The following CFAP61 variants were observed in gnomAD, a reference collection of about 807,000 sequenced individuals.
The protein encoded by CFAP61 is cilia- and flagella-associated protein 61.
CFAP61 carries 107 observed loss-of-function variants against 135.6 expected under a neutral mutation model. That is an observed-to-expected ratio of 0.79 (90% CI 0.67 to 0.93). The LOEUF (loss-of-function observed/expected upper bound fraction) is 0.93. CFAP61 is among the 40% of genes least tolerant of loss of function. The pLI, the probability that CFAP61 is intolerant of heterozygous loss-of-function variation, is 0.00. For missense variants in CFAP61, 1,507 were observed against 1,556.2 expected (o/e 0.97, Z 0.53); for synonymous variants, 575 against 578.5 (o/e 0.99, Z 0.09).
intron 17 of CFAP61, chr20:20,200,634 T>TAAAA: frequency 1.3e-6 from 1 of 769,524 alleles, no homozygotes; most frequent in Non-Finnish European, 1.6e-6. Flanking sequence ...CTTAAGTAAG[T>TAAAA]AAAAAAAAAA....
chr20:20,084,772 C>T (rs754455210), intron 6 of CFAP61, among the ~76,000 whole-genome samples: 2 of 152,174 alleles, frequency 1.3e-5, no homozygotes, highest in Non-Finnish European at 2.9e-5. Context: ...CCAGTGAGAG[C>T]TACCGGCTCA....
intron 17 of CFAP61, among the ~76,000 whole-genome samples, chr20:20,202,840 C>G (rs2056687853): frequency 6.6e-6 from 1 of 152,130 alleles, no homozygotes. Context: ...ATTTCTCTTG[C>G]TGGCCACTCG....
Position 20,121,068 on chromosome 20 carries a change from TTATC to T in CFAP61, c.860-21785_860-21782del, listed in dbSNP as rs2049579878. 2.0e-5 allele frequency among the ~76,000 whole-genome samples: 3 copies of T among 151,894 alleles called. No individual in the cohort carries two copies. In the South Asian group the frequency reaches 6.2e-4, roughly 32 times the overall value. ...CAGCATATAGTTGGGTCTTGCTTCT[TTATC>T]TATTCATTTGCTCTATGTCTTTTAT... On this transcript the variant is annotated intron_variant, in intron 8 of 26. Transcript: ENST00000245957.
rs549973862 is a variant in CFAP61, at chr20:20,217,012, T to A, written c.1933-11237T>A. Among the ~76,000 whole-genome samples, 4 of 152,336 alleles carry A rather than the reference T, an allele frequency of 2.6e-5. No individual in the cohort carries two copies. In the East Asian group the frequency reaches 7.7e-4, roughly 29 times the overall value. On this transcript the variant is annotated intron_variant, in intron 17 of 26. Transcript: ENST00000245957. ...GTTGACGTTTCTGCTTAGCTCTCTT[T>A]TCATTTCTATTTAAAAAGAAGGTGG...
chr20:20,149,072 G>A (rs1017732617), intron 9 of CFAP61, among the ~76,000 whole-genome samples: 3 of 152,148 alleles, frequency 2.0e-5, no homozygotes, highest in Admixed American at 6.5e-5. Context: ...ACTACTGACC[G>A]ATTTGGCGTA....
intron 16 of CFAP61, among the ~76,000 whole-genome samples, chr20:20,197,227 C>A (rs1445730843): frequency 6.6e-6 from 1 of 152,184 alleles, no homozygotes; most frequent in African/African-American, 2.4e-5. Flanking sequence ...ACTATACACA[C>A]CCCTACTAGG....
In CFAP61 at chr20:20,086,521, G is replaced by A. The variant is rs369854312; in HGVS notation, c.567-4323G>A. ...CTCATCATTTTTTATGGACTTTGCC[G>A]GTTTCTTAGTCAGTAGAGTCAGAAG... is the stretch of plus-strand genomic sequence containing the variant. On this transcript the variant is annotated intron_variant, in intron 6 of 26. Coordinates refer to ENST00000245957, the MANE Select transcript of CFAP61 (RefSeq NM_015585.4). 5.9e-5 allele frequency among the ~76,000 whole-genome samples: 9 copies of A among 151,786 alleles called. No homozygotes were observed. The East Asian group carries it at 9.7e-4, about 16-fold the overall frequency.
At chr20:20,083,054 C>T (rs2046539228) in intron 6 of CFAP61, among the ~76,000 whole-genome samples, 1 of 152,184 alleles carries the variant, frequency 6.6e-6, no homozygotes, top group African/African-American at 2.4e-5. Flanking sequence ...ACGTTTATAG[C>T]AGCACAATTT....
chr20:20,252,233 T>C (rs2050988214), intron 20 of CFAP61, among the ~76,000 whole-genome samples: 1 of 152,222 alleles, frequency 6.6e-6, no homozygotes, highest in African/African-American at 2.4e-5. Context: ...GGAAATCTGA[T>C]TGATTGGTTT....
chr20:20,348,787 G>T, intron 26 of CFAP61, among the ~76,000 whole-genome samples: 1 of 131,572 alleles, frequency 7.6e-6, no homozygotes, highest in African/African-American at 2.7e-5. Context: ...CATTCTTATG[G>T]TAAAAACACT....
At chr20:20,096,881 A>G (rs1214604017) in intron 7 of CFAP61, among the ~76,000 whole-genome samples, 3 of 152,232 alleles carry the variant, frequency 2.0e-5, no homozygotes, top group African/African-American at 7.2e-5. Context: ...TTTATAAAAC[A>G]GCTGTGTAAA....
chr20:20,239,835 T>C (rs1039341629), intron 18 of CFAP61, among the ~76,000 whole-genome samples: 1 of 152,104 alleles, frequency 6.6e-6, no homozygotes, highest in African/African-American at 2.4e-5. Flanking sequence ...AGTAGCTGTG[T>C]GGAAGATGGG....
chr20:20,080,934 G>A (rs536729621), intron 6 of CFAP61, among the ~76,000 whole-genome samples: 4 of 152,056 alleles, frequency 2.6e-5, no homozygotes, highest in East Asian at 1.9e-4. Flanking sequence ...CCTGGGAGGC[G>A]GAGGTTGCAG....
chr20:20,266,986 C>T (rs528213359), intron 21 of CFAP61, among the ~76,000 whole-genome samples: 6 of 152,088 alleles, frequency 3.9e-5, no homozygotes, highest in South Asian at 2.1e-4. Context: ...ATTAAAGGTA[C>T]CCTAGAGTAG....
At chr20:20,269,199 A>ATATATACATG (rs2053115730) in intron 21 of CFAP61, among the ~76,000 whole-genome samples, 1 of 85,644 alleles carries the variant, frequency 1.2e-5, no homozygotes, top group Admixed American at 1.2e-4. Flanking sequence ...ATATATACAT[A>ATATATACATG]TATGTATATA....
intron 13 of CFAP61, chr20:20,184,584 T>C (rs776160646): frequency 4.6e-5 from 7 of 152,176 alleles, no homozygotes; most frequent in Non-Finnish European, 1.0e-4. Context: ...AGACTCAATG[T>C]TGAGGTGATG....
Position 20,196,683 on chromosome 20 carries a change from G to A in CFAP61, c.1704G>A (p.Arg568=). 1.9e-6 allele frequency: 3 copies of A among 1,614,018 alleles called. No individual in the cohort carries two copies. Among genetic ancestry groups the A allele is most frequent in the Non-Finnish European group, 2.5e-6 (3 of 1,179,996 alleles). The change falls in exon 16 of 27, where the codon CGG becomes CGA. Residue 568 remains arginine (R), a synonymous_variant. Transcript: ENST00000245957. The stretch of plus-strand genomic sequence containing the variant: ...ACTTTGCCCTCAACCCCATTTTCCG[G>A]CACTACACCAAGTTCTTTCTGAAGG... ...MHHFALNPIF[R]HYTKFFLKEI...
At chr20:20,172,349 C>T (rs1478782606) in intron 13 of CFAP61, 2 of 870,806 alleles carry the variant, frequency 2.3e-6, no homozygotes, top group Non-Finnish European at 2.8e-6. Context: ...CGGCATCTCA[C>T]TCTGTTGCCC....
Position 20,135,935 on chromosome 20 carries a change from A to C in CFAP61, c.860-6922A>C, listed in dbSNP as rs138219374. Reference sequence around the variant, plus strand: ...TTGTAGGACTGGTCTGGTGTTGATGAAATACCTTTTGTTTGTCTAGGAAAG... The same window carrying C: ...TTGTAGGACTGGTCTGGTGTTGATGCAATACCTTTTGTTTGTCTAGGAAAG... On this transcript the variant is annotated intron_variant, in intron 8 of 26. Coordinates refer to ENST00000245957, the MANE Select transcript of CFAP61 (RefSeq NM_015585.4). Among the ~76,000 whole-genome samples, 109 of 152,292 alleles carry C rather than the reference A, an allele frequency of 7.2e-4. 1 individual carries two copies. Among genetic ancestry groups the C allele is most frequent in the African/African-American group, 2.5e-3 (103 of 41,556 alleles).
Sources: allele counts gnomAD v4.1 joint callset (sites outside exome capture counted in the v4.1 genomes callset), GRCh38; gene constraint gnomAD v4.1.1; transcripts MANE v1.5; gene names NCBI Gene and HGNC (gene_info 2026-07-23, HGNC 2026-07-21).